The following KCNIP4 variants were observed in gnomAD, a reference collection of about 807,000 sequenced individuals.
The protein encoded by KCNIP4 is potassium voltage-gated channel interacting protein 4.
KCNIP4 carries 12 observed loss-of-function variants against 34.0 expected under a neutral mutation model. The observed-to-expected ratio is 0.35, with a 90% confidence interval of 0.23 to 0.57. The LOEUF (loss-of-function observed/expected upper bound fraction) is 0.57. Ranked by LOEUF, KCNIP4 falls within the 20% of genes least tolerant of loss-of-function variation. The pLI is 0.83. For synonymous variants in KCNIP4, 124 were observed against 102.2 expected, an observed-to-expected ratio of 1.21 and a Z score of -1.29; for missense variants, 238 against 311.7, an observed-to-expected ratio of 0.76 and a Z score of 1.78.
chr4:21,679,203 T>C (rs1750150037), intron 1 of KCNIP4, among the ~76,000 whole-genome samples: 1 of 152,198 alleles, frequency 6.6e-6, no homozygotes, highest in South Asian at 2.1e-4. Context: ...GTTAAACAAA[T>C]GCACACTCTA....
At chr4:21,409,446 T>C (rs1321408931) in intron 1 of KCNIP4, among the ~76,000 whole-genome samples, 1 of 152,124 alleles carries the variant, frequency 6.6e-6, no homozygotes, top group Non-Finnish European at 1.5e-5. Context: ...TTCTGAACTG[T>C]AAATTTTGTA....
intron 1 of KCNIP4, among the ~76,000 whole-genome samples, chr4:21,548,098 T>C (rs890319876): frequency 2.0e-5 from 3 of 152,126 alleles, no homozygotes; most frequent in Non-Finnish European, 4.4e-5. Context: ...ATATTGTTAA[T>C]GCAGTGAAAA....
intron 1 of KCNIP4, among the ~76,000 whole-genome samples, chr4:21,252,267 A>G (rs1475225227): frequency 6.6e-6 from 1 of 151,596 alleles, no homozygotes; most frequent in African/African-American, 2.4e-5. Context: ...AGCCAGGATT[A>G]CAGGCGGGCA....
intron 1 of KCNIP4, among the ~76,000 whole-genome samples, chr4:21,410,439 C>T (rs1724397859): frequency 1.3e-5 from 2 of 152,190 alleles, no homozygotes; most frequent in African/African-American, 4.8e-5. Context: ...GGTTTTTATT[C>T]CTGCATCACT....
intron 1 of KCNIP4, among the ~76,000 whole-genome samples, chr4:21,311,659 A>AGTCT (rs1456934412): frequency 3.9e-5 from 6 of 152,148 alleles, no homozygotes; most frequent in African/African-American, 1.4e-4. Flanking sequence ...ACTGCACTCC[A>AGTCT]GTCTGGTGTC....
chr4:21,738,147 A>T (rs1036172193), intron 1 of KCNIP4, among the ~76,000 whole-genome samples: 1 of 151,012 alleles, frequency 6.6e-6, no homozygotes, highest in African/African-American at 2.4e-5. Context: ...AATAAATAAA[A>T]GGCTTAAAAG....
At position 21,452,047 on chromosome 4, in the gene KCNIP4, A is replaced by C. The variant is rs77507224; in HGVS notation, c.61+496524T>G. On this transcript the variant is annotated intron_variant, in intron 1 of 8. Transcript: ENST00000382152. ...TAAGGGTTCTGTTTCTTCCCCCCCA[A>C]CTCCGCCTTCCAGAAGCTGGGAAGG... Among the ~76,000 whole-genome samples, 445 of 151,798 alleles carry C rather than the reference A, an allele frequency of 2.9e-3. 14 individuals carry two copies. The East Asian group carries it at 0.056, about 19-fold the overall frequency.
At chr4:21,643,161 T>C (rs1385300511) in intron 1 of KCNIP4, among the ~76,000 whole-genome samples, 3 of 152,208 alleles carry the variant, frequency 2.0e-5, no homozygotes, top group African/African-American at 7.2e-5. Flanking sequence ...AGTGTGTGCA[T>C]GTGGGTATCT....
At chr4:21,198,905 T>C (rs1286944025) in intron 1 of KCNIP4, among the ~76,000 whole-genome samples, 4 of 152,114 alleles carry the variant, frequency 2.6e-5, no homozygotes, top group Non-Finnish European at 5.9e-5. Context: ...GTCCTTTCTC[T>C]ATCTGAGGAG....
chr4:21,636,872 C>T (rs546592520), intron 1 of KCNIP4, among the ~76,000 whole-genome samples: 3 of 152,290 alleles, frequency 2.0e-5, no homozygotes, highest in East Asian at 1.9e-4. Context: ...TGTGAATCCA[C>T]GCCATGAATT....
chr4:20,730,106 C>T lies in KCNIP4; in HGVS notation c.729G>A (p.Met243Ile). The T allele has an allele frequency of 6.2e-7, 1 of 1,608,668 alleles. No homozygotes were observed. Among genetic ancestry groups the T allele is most frequent in the Non-Finnish European group, 8.5e-7 (1 of 1,178,156 alleles). Residue 243 changes from methionine to isoleucine, a missense_variant, in exon 9 of 9, where the codon ATG (methionine) becomes ATA (isoleucine). Transcript: ENST00000382152. ...CQKDENIMRS[M>I]QLFENVI The stretch of plus-strand genomic sequence containing the variant: ...GTTAAATCACATTTTCAAAGAGCTG[C>T]ATGGAGCGCATTATGTTTTCATCCT...
chr4:21,111,333 A>C (rs1749148246), intron 1 of KCNIP4, among the ~76,000 whole-genome samples: 1 of 152,214 alleles, frequency 6.6e-6, no homozygotes, highest in African/African-American at 2.4e-5. Context: ...GGAAATGTTT[A>C]TCTGCACTTT....
intron 1 of KCNIP4, among the ~76,000 whole-genome samples, chr4:20,999,008 C>T (rs1737816311): frequency 6.6e-6 from 1 of 152,116 alleles, no homozygotes; most frequent in Non-Finnish European, 1.5e-5. Context: ...AATAAAGAGG[C>T]AGTTATTAAA....
intron 1 of KCNIP4, among the ~76,000 whole-genome samples, chr4:21,044,977 T>C (rs1051659368): frequency 6.6e-6 from 1 of 152,188 alleles, no homozygotes; most frequent in African/African-American, 2.4e-5. Context: ...ATAAATGAGA[T>C]CTTACATATG....
Position 20,827,144 on chromosome 4 carries a change from T to C in KCNIP4, c.288+23399A>G, listed in dbSNP as rs538306088. 1.1e-4 allele frequency among the ~76,000 whole-genome samples: 17 copies of C among 152,300 alleles called. No individual in the cohort carries two copies. The East Asian group carries it at 3.3e-3, about 29-fold the overall frequency. On this transcript the variant is annotated intron_variant, in intron 3 of 8. Coordinates refer to ENST00000382152, the MANE Select transcript of KCNIP4 (RefSeq NM_025221.6). The stretch of plus-strand genomic sequence containing the variant: ...ATAGTGGAGTTCCCCTTCTTCTCTC[T>C]TAGAAGCCAGCTACCATGAATAAGA...
intron 1 of KCNIP4, among the ~76,000 whole-genome samples, chr4:21,871,781 C>T (rs1725832193): frequency 7.1e-6 from 1 of 140,004 alleles, no homozygotes; most frequent in Admixed American, 7.2e-5. Flanking sequence ...CCCACCCACC[C>T]CCACCCCCCG....
rs542454270 is a variant in KCNIP4, at chr4:21,746,978, T to C, written c.61+201593A>G. The stretch of plus-strand genomic sequence containing the variant: ...GTTTTAAAATTTCCAAAAAGCAATA[T>C]GCATTCGTGTTTATAATAAAAACAT... On this transcript the variant is annotated intron_variant, in intron 1 of 8. Coordinates refer to ENST00000382152, the MANE Select transcript of KCNIP4 (RefSeq NM_025221.6). Among the ~76,000 whole-genome samples the C allele has an allele frequency of 1.6e-4, 25 of 152,334 alleles. No individual in the cohort carries two copies. In the South Asian group the frequency reaches 4.8e-3, roughly 29 times the overall value.
intron 1 of KCNIP4, among the ~76,000 whole-genome samples, chr4:20,985,740 A>T (rs1357154413): frequency 1.3e-5 from 2 of 152,180 alleles, no homozygotes; most frequent in East Asian, 3.9e-4. Flanking sequence ...TCTGCGCGGT[A>T]CAGTGGGAAA....
chr4:21,336,965 A>G (rs953957142), intron 1 of KCNIP4, among the ~76,000 whole-genome samples: 6 of 152,036 alleles, frequency 3.9e-5, no homozygotes, highest in Non-Finnish European at 8.8e-5. Flanking sequence ...AGAAACTAGA[A>G]AGGTTTCACC....
Sources: allele counts gnomAD v4.1 joint callset (sites outside exome capture counted in the v4.1 genomes callset), GRCh38; gene constraint gnomAD v4.1.1; transcripts MANE v1.5; gene names NCBI Gene and HGNC (gene_info 2026-07-23, HGNC 2026-07-21).